Variants in SYT3 observed in about 807,000 individuals in gnomAD.
SYT3 encodes the protein synaptotagmin 3, also known as synaptotagmin-3.
In SYT3, 25 loss-of-function variants were observed where a neutral mutation model predicts 50.6. The observed-to-expected ratio is 0.49, with a 90% confidence interval of 0.36 to 0.69. SYT3 has a LOEUF of 0.69. Among genes scored for constraint, SYT3 ranks in the 30% least tolerant of loss-of-function variants. SYT3 has a pLI of 0.00. For missense variants in SYT3, 589 were observed against 793.6 expected (o/e 0.74, Z 3.10); for synonymous variants, 323 against 353.9 (o/e 0.91, Z 0.98).
intron 6 of SYT3, among the ~76,000 whole-genome samples, chr19:50,627,064 G>C (rs191495912): frequency 5.4e-4 from 82 of 152,260 alleles, no homozygotes; most frequent in Non-Finnish European, 2.9e-5. Context: ...CTCCACCGAA[G>C]TTTCCAGGAC....
rs937105956 is a variant in SYT3, at chr19:50,625,014, G to A, written c.1707+148C>T. ...AGAGCGCTTGGGTAACTGGCTCTAAGCCGCACAGCTAAAGTTGGCACAGCA... is the reference window on the plus strand; with the variant it reads ...AGAGCGCTTGGGTAACTGGCTCTAAACCGCACAGCTAAAGTTGGCACAGCA... On this transcript the variant is annotated intron_variant, in intron 9 of 10. Coordinates refer to ENST00000600079, the MANE Select transcript of SYT3 (RefSeq NM_001160329.2). The surrounding 1 kb of genome is among the most constrained non-coding windows in gnomAD (Gnocchi z 7.5). The A allele has an allele frequency of 2.4e-6, 2 of 842,058 alleles. No individual in the cohort carries two copies. Among genetic ancestry groups the A allele is most frequent in the Non-Finnish European group, 3.3e-6 (2 of 608,772 alleles). The allele number at this position is 842,058 out of a possible 1,614,324, so 52.2% of individuals were successfully genotyped here. A position where few individuals can be genotyped will look rare whatever the true frequency, so the allele number is the denominator to read the frequency against.
rs372064620 is a variant in SYT3 at position 50,622,728 on chromosome 19, C to G, written c.1735G>C (p.Gly579Arg). ...EEKTVTSFTK[G>R]SKGLSEKENS... Reference sequence around the variant, plus strand: ...TCTTTCTCTGATAGTCCTTTGCTGCCTTTTGTGAAGCTGGTCACAGTCTTT... The same window carrying G: ...TCTTTCTCTGATAGTCCTTTGCTGCGTTTTGTGAAGCTGGTCACAGTCTTT... Residue 579 changes from glycine (G) to arginine (R), a missense_variant, in exon 10 of 11, where the codon GGC becomes CGC. Transcript: ENST00000600079. 1.8e-6 allele frequency: 2 copies of G among 1,092,048 alleles called. No homozygotes were observed. Among genetic ancestry groups the G allele is most frequent in the African/African-American group, 3.1e-5 (2 of 63,720 alleles). The allele number at this position is 1,092,048 out of a possible 1,614,324, so 67.6% of individuals were successfully genotyped here.
In SYT3 at chr19:50,639,608, G is replaced by A. The variant is rs1052122175; in HGVS notation, c.-154+182C>T. 2.0e-4 allele frequency among the ~76,000 whole-genome samples: 30 copies of A among 151,946 alleles called. No homozygotes were observed. The highest frequency in any genetic ancestry group is 7.2e-4 in the African/African-American group (30 of 41,476). ...GGTGGGATACACCCAGGTGTTTCGGGACCCCCTTCCAGGGCCACGTGCCCC... is the reference window on the plus strand; with the variant it reads ...GGTGGGATACACCCAGGTGTTTCGGAACCCCCTTCCAGGGCCACGTGCCCC... On this transcript the variant is annotated intron_variant, in intron 1 of 10. Coordinates refer to ENST00000600079, the MANE Select transcript of SYT3 (RefSeq NM_001160329.2). This position sits in a 1 kb window ranked among gnomAD's most constrained non-coding sequence, Gnocchi z 4.6.
chr19:50,645,794 C>T, the SYT3 span, among the ~76,000 whole-genome samples: 33 of 152,180 alleles, frequency 2.2e-4, no homozygotes, highest in African/African-American at 7.9e-4. Context: ...GCGGGAAGAT[C>T]GCTTGAGCCT....
intron 9 of SYT3, among the ~76,000 whole-genome samples, chr19:50,623,007 G>A (rs1599811224): frequency 2.1e-5 from 3 of 142,210 alleles, no homozygotes; most frequent in Non-Finnish European, 3.0e-5. Flanking sequence ...GTCCTGCATG[G>A]TATCAGAGGG....
At position 50,632,254 on chromosome 19, in the gene SYT3, G is replaced by C. The variant is rs1324406374; in HGVS notation, c.674+32C>G. On this transcript the variant is annotated intron_variant, in intron 4 of 10. Coordinates refer to ENST00000600079, the MANE Select transcript of SYT3 (RefSeq NM_001160329.2). This position sits in a 1 kb window ranked among gnomAD's most constrained non-coding sequence, Gnocchi z 4.7. ...GACACAGAGGAGGAGCAGAAGTTCA[G>C]AGTGGACCCCCAACCCAGTATCCTC... is the stretch of plus-strand genomic sequence containing the variant. The C allele has an allele frequency of 5.3e-6, 8 of 1,523,180 alleles. No homozygotes were observed. The highest frequency in any genetic ancestry group is 1.3e-5 in the South Asian group (1 of 77,234). The allele number at this position is 1,523,180 out of a possible 1,614,324, so 94.4% of individuals were successfully genotyped here. A position where few individuals can be genotyped will look rare whatever the true frequency, so the allele number is the denominator to read the frequency against.
intron 3 of SYT3, among the ~76,000 whole-genome samples, chr19:50,633,476 A>G (rs1304454327): frequency 6.6e-6 from 1 of 152,198 alleles, no homozygotes; most frequent in East Asian, 1.9e-4. Flanking sequence ...GGTAGCACCA[A>G]GGTCCTCCAA....
the SYT3 span, chr19:50,649,362 T>G: frequency 1.5e-6 from 2 of 1,336,380 alleles, no homozygotes; most frequent in East Asian, 5.0e-5. Flanking sequence ...GAGGCAGCGG[T>G]GGGGAGAAGG....
chr19:50,645,362 G>C, the SYT3 span, among the ~76,000 whole-genome samples: 1 of 152,126 alleles, frequency 6.6e-6, no homozygotes, highest in Non-Finnish European at 1.5e-5. Context: ...CAGAAGCAGA[G>C]AGATGGGGAA....
At chr19:50,628,600 T>C (rs1477842958) in intron 6 of SYT3, among the ~76,000 whole-genome samples, 1 of 151,970 alleles carries the variant, frequency 6.6e-6, no homozygotes, top group African/African-American at 2.4e-5. Flanking sequence ...CTTTCAGAAG[T>C]TCAGAGATTA....
At chr19:50,630,456 C>T (rs1166819500) in intron 4 of SYT3, among the ~76,000 whole-genome samples, 1 of 140,924 alleles carries the variant, frequency 7.1e-6, no homozygotes, top group Non-Finnish European at 1.5e-5. Flanking sequence ...AAGTTTTGCT[C>T]TTGTCACCCA....
At chr19:50,658,087 G>A in the SYT3 span, 2 of 1,535,900 alleles carry the variant, frequency 1.3e-6, no homozygotes, top group East Asian at 4.9e-5. Flanking sequence ...TCCGCTTTGA[G>A]AACATGAACG....
At chr19:50,649,326 C>G in the SYT3 span, 1 of 968,110 alleles carries the variant, frequency 1.0e-6, no homozygotes, top group Non-Finnish European at 1.6e-6. Context: ...GTAATTCTAC[C>G]CCGGGGCTTC....
At chr19:50,638,467 G>A (rs568433875) in intron 2 of SYT3, among the ~76,000 whole-genome samples, 42 of 149,338 alleles carry the variant, frequency 2.8e-4, no homozygotes, top group Middle Eastern at 3.2e-3. Flanking sequence ...GGGAGGGAGA[G>A]ATACAGGGAG....
At position 50,627,247 on chromosome 19, in the gene SYT3, T is replaced by C. The variant is rs374259415; in HGVS notation, c.1282-1230A>G. Among the ~76,000 whole-genome samples, 15 of 152,318 alleles carry C rather than the reference T, an allele frequency of 9.8e-5. No homozygotes were observed. In the East Asian group the frequency reaches 2.9e-3, roughly 29 times the overall value. ...AGAACACTCTTCCCTCTATCTCTCC[T>C]TGGCCTTTGAGCCTCCCCTCGTTCC... On this transcript the variant is annotated intron_variant, in intron 6 of 10. Coordinates refer to ENST00000600079, the MANE Select transcript of SYT3 (RefSeq NM_001160329.2).
chr19:50,657,977 C>G, the SYT3 span: 1 of 1,520,488 alleles, frequency 6.6e-7, no homozygotes, highest in Admixed American at 2.0e-5. Flanking sequence ...GTTCTCTCTC[C>G]GACACCCGCA....
chr19:50,656,273 G>A, the SYT3 span: 21 of 1,536,010 alleles, frequency 1.4e-5, no homozygotes, highest in African/African-American at 9.6e-5. Context: ...GCACTGGACC[G>A]AGAACTCCCG....
At chr19:50,649,668 C>A in the SYT3 span, 4 of 812,290 alleles carry the variant, frequency 4.9e-6, no homozygotes, top group African/African-American at 5.1e-5. Context: ...TGGAGAGCGG[C>A]CCCCTTGGAC....
intron 2 of SYT3, among the ~76,000 whole-genome samples, 169 bp downstream of exon 2, chr19:50,638,855 GA>G (rs1475570269): frequency 3.9e-5 from 6 of 152,094 alleles, no homozygotes; most frequent in Non-Finnish European, 7.4e-5. Flanking sequence ...AGGAGAGGTG[GA>G]TGTGGGGAGA....
Sources: gnomAD v4.1 joint callset for allele counts (sites outside exome capture counted in the v4.1 genomes callset) on GRCh38, gnomAD v4.1.1 for gene constraint, Gnocchi (gnomAD v3.1) non-coding constraint, MANE v1.5 for transcripts, NCBI Gene and HGNC (gene_info 2026-07-23, HGNC 2026-07-21) for gene names.